Variants in SYNE2 observed in about 807,000 individuals in gnomAD.
SYNE2 encodes the protein spectrin repeat containing nuclear envelope protein 2, also known as nesprin-2.
A neutral mutation model predicts 856.3 loss-of-function variants in SYNE2; 431 were observed. That is an observed-to-expected ratio of 0.50 (90% CI 0.47 to 0.55). SYNE2 has a LOEUF of 0.55. SYNE2 is among the 20% of genes least tolerant of loss of function. The pLI, the probability that SYNE2 is intolerant of heterozygous loss-of-function variation, is 0.00. For synonymous variants in SYNE2, 2,923 were observed against 2,872.3 expected (o/e 1.02, Z -0.56); for missense variants, 8,129 against 8,023.2 (o/e 1.01, Z -0.50).
Position 64,152,564 on chromosome 14 carries a change from G to C in SYNE2, c.15640G>C (p.Asp5214His), listed in dbSNP as rs560354047. The C allele has an allele frequency of 6.2e-7, 1 of 1,613,830 alleles. No individual in the cohort carries two copies. Among genetic ancestry groups the C allele is most frequent in the African/African-American group, 1.3e-5 (1 of 74,982 alleles). Residue 5214 changes from aspartate to histidine, a missense_variant and splice_region_variant, in exon 85 of 116, where the codon GAT becomes CAT. This residue lies in a region of SYNE2 where 5,410 missense variants were observed against 5,284.8 expected (regional missense o/e 1.02). Coordinates refer to ENST00000555002, the MANE Select transcript of SYNE2 (RefSeq NM_182914.3). Reference sequence around the variant, plus strand: ...AAACCTTTTCCTCTTACTCTTCCAGGATATAGAAAATCAACTTGCAATTAA... The same window carrying C: ...AAACCTTTTCCTCTTACTCTTCCAGCATATAGAAAATCAACTTGCAATTAA... ...SVQKLLLDCQ[D>H]IENQLAIKSK...
In SYNE2 at chr14:63,974,892, GTATA is replaced by G. The variant is rs145247655; in HGVS notation, c.1129-1649_1129-1646del. Among the ~76,000 whole-genome samples the G allele has an allele frequency of 4.2e-3, 282 of 67,306 alleles. 2 individuals are homozygous for G. The highest frequency in any genetic ancestry group is 0.011 in the African/African-American group (255 of 22,356). The allele number at this position is 67,306 out of a possible 152,430, so 44.2% of individuals were successfully genotyped here. A position where few individuals can be genotyped will look rare whatever the true frequency, so the allele number is the denominator to read the frequency against. On this transcript the variant is annotated intron_variant, in intron 11 of 115. Coordinates refer to ENST00000555002, the MANE Select transcript of SYNE2 (RefSeq NM_182914.3). ...TGTGTGTGTGTGTGTGTGTGTGTGT[GTATA>G]TATATATATATATATATATATGTAT...
chr14:63,763,621 G>A (rs111332176), intron 1 of SYNE2, among the ~76,000 whole-genome samples: 6,927 of 152,074 alleles, frequency 0.046, 185 homozygotes, highest in Middle Eastern at 0.088. Context: ...AGGCTGAGGC[G>A]GGAGGATTGC....
At chr14:64,223,464 C>T in intron 113 of SYNE2, 84 bp downstream of exon 113, 1 of 1,526,866 alleles carries the variant, frequency 6.5e-7, no homozygotes, top group Non-Finnish European at 9.0e-7. Context: ...TGCTCTAAGA[C>T]AGAGGCCAGA....
intron 1 of SYNE2, among the ~76,000 whole-genome samples, chr14:63,790,898 A>G (rs1330112398): frequency 6.6e-6 from 1 of 152,112 alleles, no homozygotes; most frequent in Non-Finnish European, 1.5e-5. Context: ...ATGTATAGAA[A>G]CACAGTACAG....
chr14:63,946,132 A>G (rs1192952908), intron 6 of SYNE2, among the ~76,000 whole-genome samples: 2 of 152,170 alleles, frequency 1.3e-5, no homozygotes, highest in Non-Finnish European at 2.9e-5. Flanking sequence ...CTTTTAAAAT[A>G]TATTCTAGGC....
chr14:64,131,688 C>T (rs1347088492), intron 76 of SYNE2, among the ~76,000 whole-genome samples: 1 of 152,040 alleles, frequency 6.6e-6, no homozygotes, highest in African/African-American at 2.4e-5. Context: ...CTCAAACAAT[C>T]CTCTCACTTC....
chr14:64,112,825 A>G lies in SYNE2; in HGVS notation c.12610-516A>G, dbSNP rs567262012. 4.6e-5 allele frequency among the ~76,000 whole-genome samples: 7 copies of G among 152,380 alleles called. No homozygotes were observed. In the South Asian group the frequency reaches 1.2e-3, roughly 27 times the overall value. ...ATACCATGTATGTTTTTAAAAAGCT[A>G]AAATTTTTATAATCTAACTATTTGA... On this transcript the variant is annotated intron_variant, in intron 65 of 115. Coordinates refer to ENST00000555002, the MANE Select transcript of SYNE2 (RefSeq NM_182914.3).
chr14:64,111,906 TC>T (rs2097811754), intron 65 of SYNE2, among the ~76,000 whole-genome samples: 1 of 152,204 alleles, frequency 6.6e-6, no homozygotes, highest in South Asian at 2.1e-4. Context: ...AGGAAAAGTT[TC>T]CTTGAGAAGG....
At chr14:63,979,963 T>A (rs886163511) in intron 14 of SYNE2, among the ~76,000 whole-genome samples, 1 of 152,140 alleles carries the variant, frequency 6.6e-6, no homozygotes, top group African/African-American at 2.4e-5. Context: ...TAAATTTTAT[T>A]GTAAAAATTT....
chr14:63,996,749 G>T (rs373531133), intron 23 of SYNE2, among the ~76,000 whole-genome samples, 198 bp from the exon 24 acceptor site: 9 of 152,182 alleles, frequency 5.9e-5, no homozygotes, highest in Admixed American at 6.5e-5. Context: ...TTCTTTGTCT[G>T]TCTAGGTTAC....
chr14:63,816,614 G>A (rs935960435), intron 1 of SYNE2, among the ~76,000 whole-genome samples: 7 of 151,392 alleles, frequency 4.6e-5, no homozygotes, highest in African/African-American at 1.7e-4. Context: ...TCATATAAGA[G>A]GTGTCTTTTC....
chr14:63,827,333 G>A (rs1428913164), intron 1 of SYNE2, among the ~76,000 whole-genome samples: 1 of 148,506 alleles, frequency 6.7e-6, no homozygotes, highest in East Asian at 2.0e-4. Flanking sequence ...GCCCAATTAA[G>A]AAATGTGCAG....
In SYNE2 at chr14:64,017,770, T is replaced by C. The variant is rs745718399; in HGVS notation, c.5049+14T>C. The C allele has an allele frequency of 6.2e-7, 1 of 1,612,338 alleles. No individual in the cohort carries two copies. The highest frequency in any genetic ancestry group is 2.2e-5 in the East Asian group (1 of 44,734). On this transcript the variant is annotated intron_variant, in intron 34 of 115. Coordinates refer to ENST00000555002, the MANE Select transcript of SYNE2 (RefSeq NM_182914.3). ...GAAAGGCTGAAGGTAATTTAACAGA[T>C]AAAATACATGCTTTTCTTGGTACAC...
chr14:63,817,208 C>A (rs766863925), intron 1 of SYNE2, among the ~76,000 whole-genome samples: 5 of 152,248 alleles, frequency 3.3e-5, no homozygotes, highest in Middle Eastern at 6.8e-3. Context: ...GCTTGTAATC[C>A]CAGCACTTTA....
Position 64,126,645 on chromosome 14 carries a change from G to C in SYNE2, c.13755G>C (p.Lys4585Asn), listed in dbSNP as rs1443055515. Residue 4585 changes from lysine (K) to asparagine (N), a missense_variant, in exon 73 of 116, where the codon AAG becomes AAC. Around this residue, in one of 3 missense-constraint regions of SYNE2, gnomAD observed 5,410 missense variants for 5,284.8 expected, o/e 1.02. Transcript: ENST00000555002. ...AACTTTATTTAGCGCTAAGTGACAA[G>C]AAGGGTGATCTTTTGAAAGCCATGA... ...LKKLYLALSD[K>N]KGDLLKAMTW... 1 of 1,614,108 alleles carries C rather than the reference G, an allele frequency of 6.2e-7. No individual in the cohort carries two copies. The highest frequency in any genetic ancestry group is 1.3e-5 in the African/African-American group (1 of 74,942).
intron 100 of SYNE2, among the ~76,000 whole-genome samples, chr14:64,205,470 T>A (rs1490573758): frequency 1.3e-5 from 2 of 152,212 alleles, no homozygotes; most frequent in African/African-American, 4.8e-5. Context: ...TGTTTACTTT[T>A]CAAACTAAAT....
At chr14:64,103,427 G>A (rs556116507) in intron 64 of SYNE2, among the ~76,000 whole-genome samples, 1 of 146,750 alleles carries the variant, frequency 6.8e-6, no homozygotes, top group East Asian at 2.0e-4. Context: ...TACTCCTTAT[G>A]ACATTCTAAA....
intron 2 of SYNE2, among the ~76,000 whole-genome samples, chr14:63,938,557 C>T (rs1349547535): frequency 2.0e-5 from 3 of 152,106 alleles, no homozygotes; most frequent in East Asian, 1.9e-4. Context: ...AGTCTAATGA[C>T]GTGAGATTCA....
At position 64,052,863 on chromosome 14, in the gene SYNE2, C is replaced by T; in HGVS notation, c.8950C>T (p.Leu2984Phe). 6.2e-7 allele frequency: 1 copy of T among 1,613,744 alleles called. No homozygotes were observed. Among genetic ancestry groups the T allele is most frequent in the Admixed American group, 1.7e-5 (1 of 59,956 alleles). ...NKGVKEEIYN[L>F]KDRLTAIKCC... is the part of the protein sequence containing the mutation. ...AGGTGTTAAAGAGGAGATCTATAAT[C>T]TTAAAGACAGACTCACCGCTATTAA... Residue 2984 changes from leucine to phenylalanine, a missense_variant, in exon 48 of 116, where the codon CTT (leucine) becomes TTT (phenylalanine). Transcript: ENST00000555002.
Sources: allele counts gnomAD v4.1 joint callset (sites outside exome capture counted in the v4.1 genomes callset), GRCh38; gene constraint gnomAD v4.1.1; regional missense constraint gnomAD v4.1.1; transcripts MANE v1.5; gene names NCBI Gene and HGNC (gene_info 2026-07-23, HGNC 2026-07-21).